The following PRKCE variants were observed in gnomAD, a reference collection of about 807,000 sequenced individuals.
The protein encoded by PRKCE is protein kinase C epsilon type.
PRKCE carries 16 observed loss-of-function variants against 85.4 expected under a neutral mutation model. The ratio of observed to expected loss-of-function variants is 0.19; its 90% CI spans 0.13 to 0.28. The LOEUF is 0.28. Ranked by LOEUF, PRKCE falls within the 10% of genes least tolerant of loss-of-function variation. PRKCE has a pLI of 1.00. For synonymous variants in PRKCE, 388 were observed against 371.5 expected (o/e 1.04, Z -0.51); for missense variants, 573 against 975.2 (o/e 0.59, Z 5.49).
At chr2:46,020,439 T>A (rs1284870767) in intron 10 of PRKCE, among the ~76,000 whole-genome samples, 1 of 152,136 alleles carries the variant, frequency 6.6e-6, no homozygotes, top group Non-Finnish European at 1.5e-5. Flanking sequence ...ACCCATATTA[T>A]AATCTAATGT....
At chr2:45,884,999 A>ATT (rs1265565855) in intron 2 of PRKCE, among the ~76,000 whole-genome samples, 13 of 63,268 alleles carry the variant, frequency 2.1e-4, no homozygotes, top group South Asian at 5.4e-4. Context: ...ATATATATAT[A>ATT]TATTTGTTGT....
At chr2:45,826,611 A>G (rs557555644) in intron 1 of PRKCE, among the ~76,000 whole-genome samples, 1 of 152,024 alleles carries the variant, frequency 6.6e-6, no homozygotes, top group African/African-American at 2.4e-5. Context: ...TTCCCCCCGA[A>G]CTTCAGATCT....
chr2:45,956,287 A>G (rs927240202), intron 2 of PRKCE, among the ~76,000 whole-genome samples: 5 of 152,226 alleles, frequency 3.3e-5, no homozygotes, highest in African/African-American at 7.2e-5. Context: ...AGATATTTTC[A>G]TACAGGTTTT....
rs142812974 is a variant in PRKCE at position 45,710,089 on chromosome 2, C to T, written c.348+57641C>T. On this transcript the variant is annotated intron_variant, in intron 1 of 14. Coordinates refer to ENST00000306156, the MANE Select transcript of PRKCE (RefSeq NM_005400.3). The stretch of plus-strand genomic sequence containing the variant: ...GGGATTACAGGCTTAGGCTACTGCG[C>T]CTGGCCCATTTATCTTATTTAATTA... 5.2e-3 allele frequency among the ~76,000 whole-genome samples: 795 copies of T among 152,336 alleles called. 7 individuals carry two copies. Among genetic ancestry groups the T allele is most frequent in the African/African-American group, 0.018 (752 of 41,572 alleles).
At chr2:45,925,447 C>A (rs1698542561) in intron 2 of PRKCE, among the ~76,000 whole-genome samples, 1 of 152,136 alleles carries the variant, frequency 6.6e-6, no homozygotes, top group Non-Finnish European at 1.5e-5. Context: ...CAGGCACCAC[C>A]ACCACGCCCA....
At chr2:45,822,450 G>T (rs1396884722) in intron 1 of PRKCE, among the ~76,000 whole-genome samples, 1 of 152,218 alleles carries the variant, frequency 6.6e-6, no homozygotes, top group East Asian at 1.9e-4. Flanking sequence ...GGTGGCCCAG[G>T]TCCTGCCTGC....
At chr2:45,841,348 T>C (rs1337686575) in intron 1 of PRKCE, among the ~76,000 whole-genome samples, 1 of 152,240 alleles carries the variant, frequency 6.6e-6, no homozygotes, top group African/African-American at 2.4e-5. Flanking sequence ...GCCTTCAGTA[T>C]GTGGCTGAAG....
At chr2:46,152,895 G>T (rs1465586503) in intron 13 of PRKCE, among the ~76,000 whole-genome samples, 2 of 152,168 alleles carry the variant, frequency 1.3e-5, no homozygotes, top group African/African-American at 2.4e-5. Flanking sequence ...AAACCATTTT[G>T]TAGGTATCTG....
At chr2:45,956,679 G>A (rs757031377) in intron 2 of PRKCE, among the ~76,000 whole-genome samples, 5 of 151,908 alleles carry the variant, frequency 3.3e-5, no homozygotes, top group Non-Finnish European at 5.9e-5. Context: ...AGCGAGACTC[G>A]GTCTCACACA....
At chr2:46,110,138 G>A (rs1311148221) in intron 11 of PRKCE, among the ~76,000 whole-genome samples, 3 of 152,058 alleles carry the variant, frequency 2.0e-5, no homozygotes, top group African/African-American at 7.2e-5. Context: ...AGAGATATTG[G>A]TCAGTTGTTA....
At chr2:46,110,772 A>G (rs914307429) in intron 11 of PRKCE, among the ~76,000 whole-genome samples, 2 of 152,004 alleles carry the variant, frequency 1.3e-5, no homozygotes, top group Non-Finnish European at 2.9e-5. Context: ...TTCTTGGGGC[A>G]GAAGCTTAGT....
At position 46,041,996 on chromosome 2, in the gene PRKCE, C is replaced by G. The variant is rs1708240553; in HGVS notation, c.1437+31479C>G. Among the ~76,000 whole-genome samples, 1 of 152,182 alleles carries G rather than the reference C, an allele frequency of 6.6e-6. No homozygotes were observed. The highest frequency in any genetic ancestry group is 1.5e-5 in the Non-Finnish European group (1 of 68,032). ...TAATTTGAGGTGGCAGTCCCCCTTC[C>G]AGGAATCCCATTTTATGGTTTGATT... is the stretch of plus-strand genomic sequence containing the variant. On this transcript the variant is annotated intron_variant, in intron 10 of 14. Transcript: ENST00000306156. The surrounding 1 kb of genome is among the most constrained non-coding windows in gnomAD (Gnocchi z 5.5).
chr2:46,169,766 G>T (rs1678709536), intron 14 of PRKCE, among the ~76,000 whole-genome samples: 1 of 152,172 alleles, frequency 6.6e-6, no homozygotes, highest in Non-Finnish European at 1.5e-5. Flanking sequence ...AGGCGTGGCA[G>T]ACTCAGACTA....
intron 1 of PRKCE, among the ~76,000 whole-genome samples, chr2:45,668,214 G>A (rs573622446): frequency 4.6e-5 from 7 of 152,190 alleles, no homozygotes; most frequent in South Asian, 2.1e-4. Flanking sequence ...GGTGGTGAGC[G>A]CCTGTACTCT....
At chr2:45,992,724 G>A (rs1429855176) in intron 6 of PRKCE, among the ~76,000 whole-genome samples, 1 of 152,174 alleles carries the variant, frequency 6.6e-6, no homozygotes, top group South Asian at 2.1e-4. Flanking sequence ...TGCTTGCTTT[G>A]GAGGAATTCC....
intron 2 of PRKCE, among the ~76,000 whole-genome samples, chr2:45,959,179 G>T (rs1271860436): frequency 6.6e-6 from 1 of 152,028 alleles, no homozygotes; most frequent in Non-Finnish European, 1.5e-5. Flanking sequence ...GGTTGTCGTG[G>T]TCTTGCCTGT....
chr2:46,076,994 A>AG (rs1668614063), intron 10 of PRKCE, among the ~76,000 whole-genome samples: 1 of 152,114 alleles, frequency 6.6e-6, no homozygotes, highest in African/African-American at 2.4e-5. Flanking sequence ...AGGCTGGTGG[A>AG]GGGGGAATCG....
At chr2:46,122,748 G>A (rs1318644912) in intron 11 of PRKCE, among the ~76,000 whole-genome samples, 1 of 151,978 alleles carries the variant, frequency 6.6e-6, no homozygotes, top group Non-Finnish European at 1.5e-5. Flanking sequence ...TAGCTGCAAG[G>A]TAGATAGCAT....
rs182914746 is a variant in PRKCE at position 45,678,795 on chromosome 2, C to G, written c.348+26347C>G. 5.9e-5 allele frequency among the ~76,000 whole-genome samples: 9 copies of G among 152,136 alleles called. No individual in the cohort carries two copies. The East Asian group carries it at 1.7e-3, about 29-fold the overall frequency. On this transcript the variant is annotated intron_variant, in intron 1 of 14. Transcript: ENST00000306156. The stretch of plus-strand genomic sequence containing the variant: ...TTTAGAAGTCATGGGAAGAGGCACA[C>G]AACTTTGGGAATTTGTGAAACTTAA...
Sources: allele counts gnomAD v4.1 joint callset (sites outside exome capture counted in the v4.1 genomes callset), GRCh38; gene constraint gnomAD v4.1.1; non-coding constraint Gnocchi (gnomAD v3.1); transcripts MANE v1.5; gene names NCBI Gene and HGNC (gene_info 2026-07-23, HGNC 2026-07-21).